Variants in VEGFC observed in about 807,000 individuals in gnomAD.
VEGFC encodes the protein FLT4 ligand DHM.
A neutral mutation model predicts 46.1 loss-of-function variants in VEGFC; 12 were observed. That is an observed-to-expected ratio of 0.26 (90% confidence interval 0.17 to 0.42). The LOEUF (loss-of-function observed/expected upper bound fraction) is 0.42. Ranked by LOEUF, VEGFC falls within the 10% of genes least tolerant of loss-of-function variation. The pLI is 1.00. For synonymous variants in VEGFC, 232 were observed against 195.5 expected, an observed-to-expected ratio of 1.19 and a Z score of -1.56; for missense variants, 488 against 529.4, an observed-to-expected ratio of 0.92 and a Z score of 0.77.
At chr4:176,722,488 G>GTTTT (rs138526102) in intron 3 of VEGFC, among the ~76,000 whole-genome samples, 4 of 134,962 alleles carry the variant, frequency 3.0e-5, no homozygotes, top group Non-Finnish European at 1.5e-5. Flanking sequence ...TTTTTCTTTT[G>GTTTT]TTTTTTTTTT....
chr4:176,791,428 A>G (rs1021776920), intron 1 of VEGFC, among the ~76,000 whole-genome samples: 8 of 152,230 alleles, frequency 5.3e-5, no homozygotes, highest in African/African-American at 1.9e-4. Context: ...CAACATTTTC[A>G]GGCAAAGGAT....
At chr4:176,694,968 G>A (rs1357030652) in intron 4 of VEGFC, among the ~76,000 whole-genome samples, 39 of 134,014 alleles carry the variant, frequency 2.9e-4, no homozygotes, top group African/African-American at 7.7e-4. Context: ...TCTCTGGGAC[G>A]CATTCAAAGC....
chr4:176,699,910 T>A (rs1734396200), intron 4 of VEGFC, among the ~76,000 whole-genome samples: 2 of 152,252 alleles, frequency 1.3e-5, no homozygotes, highest in Admixed American at 6.5e-5. Context: ...TTTTTATTGA[T>A]TCTGCATGAA....
intron 4 of VEGFC, among the ~76,000 whole-genome samples, chr4:176,689,908 G>C (rs1734118749): frequency 1.3e-5 from 2 of 152,110 alleles, no homozygotes; most frequent in South Asian, 4.1e-4. Flanking sequence ...TTTTCTACAG[G>C]CATTATTAGG....
At chr4:176,705,005 CAA>C (rs1189502990) in intron 4 of VEGFC, among the ~76,000 whole-genome samples, 7 of 152,128 alleles carry the variant, frequency 4.6e-5, no homozygotes, top group Non-Finnish European at 1.0e-4. Context: ...AGCAGAAACA[CAA>C]ATGCTATTTG....
At chr4:176,778,942 A>G (rs1365418621) in intron 1 of VEGFC, among the ~76,000 whole-genome samples, 2 of 152,184 alleles carry the variant, frequency 1.3e-5, no homozygotes, top group African/African-American at 4.8e-5. Flanking sequence ...ATGTTGCCAA[A>G]GACTGGCCAC....
chr4:176,690,755 G>C (rs1553991398), intron 4 of VEGFC, among the ~76,000 whole-genome samples: 1 of 151,744 alleles, frequency 6.6e-6, no homozygotes, highest in Non-Finnish European at 1.5e-5. Context: ...TTCTATAAAT[G>C]ATGGTAAAAA....
At chr4:176,752,364 T>C (rs545185943) in intron 1 of VEGFC, among the ~76,000 whole-genome samples, 2 of 152,190 alleles carry the variant, frequency 1.3e-5, no homozygotes, top group East Asian at 3.9e-4. Flanking sequence ...ATAGCTCATA[T>C]TGGCACTCCG....
intron 1 of VEGFC, among the ~76,000 whole-genome samples, chr4:176,789,334 G>A (rs998717465): frequency 1.6e-4 from 25 of 152,198 alleles, no homozygotes; most frequent in African/African-American, 6.0e-4. Flanking sequence ...GTAATTAACT[G>A]CTTTCTATGA....
intron 4 of VEGFC, among the ~76,000 whole-genome samples, chr4:176,710,466 T>G (rs529678364): frequency 6.6e-6 from 1 of 152,264 alleles, no homozygotes; most frequent in African/African-American, 2.4e-5. Flanking sequence ...TCTTCCAGGT[T>G]TTCCTAAACT....
intron 6 of VEGFC, among the ~76,000 whole-genome samples, chr4:176,685,773 C>A (rs1367705384): frequency 6.6e-6 from 1 of 151,936 alleles, no homozygotes; most frequent in Non-Finnish European, 1.5e-5. Flanking sequence ...GAATATAGTT[C>A]TTTCTCAAAA....
chr4:176,706,404 A>G (rs913556879), intron 4 of VEGFC, among the ~76,000 whole-genome samples: 1 of 152,006 alleles, frequency 6.6e-6, no homozygotes, highest in African/African-American at 2.4e-5. Context: ...CGAGGCGGGT[A>G]GATCACAAGG....
At chr4:176,763,350 A>G (rs974688002) in intron 1 of VEGFC, among the ~76,000 whole-genome samples, 1 of 88,572 alleles carries the variant, frequency 1.1e-5, no homozygotes, top group Non-Finnish European at 2.3e-5. Flanking sequence ...AAAATAAGAG[A>G]AAATGAAAAA....
intron 1 of VEGFC, among the ~76,000 whole-genome samples, chr4:176,790,437 G>A (rs1467593263): frequency 6.6e-6 from 1 of 151,988 alleles, no homozygotes; most frequent in Non-Finnish European, 1.5e-5. Context: ...ATCACCAATG[G>A]CAAATTTTAC....
chr4:176,695,536 A>G (rs988783709), intron 4 of VEGFC, among the ~76,000 whole-genome samples: 3 of 151,228 alleles, frequency 2.0e-5, no homozygotes, highest in Middle Eastern at 3.4e-3. Context: ...TCACAGCCCA[A>G]TTCTACCAGA....
intron 1 of VEGFC, among the ~76,000 whole-genome samples, chr4:176,763,211 T>C (rs1002387629): frequency 3.3e-5 from 5 of 152,332 alleles, no homozygotes; most frequent in Middle Eastern, 3.4e-3. Context: ...GAGAAATTCA[T>C]CTTCAACTAA....
Position 176,709,493 on chromosome 4 carries a change from C to G in VEGFC, c.704+2006G>C, listed in dbSNP as rs1032492997. Among the ~76,000 whole-genome samples the G allele has an allele frequency of 7.9e-5, 12 of 152,192 alleles. 1 individual carries two copies. Among genetic ancestry groups the G allele is most frequent in the Admixed American group, 7.2e-4 (11 of 15,262 alleles). On this transcript the variant is annotated intron_variant, in intron 4 of 6. Transcript: ENST00000618562. The stretch of plus-strand genomic sequence containing the variant: ...TGGGTATTCAAGAAGCAAAGTTGGC[C>G]GTGGTATTCGGACAAGACAAATGCA...
chr4:176,770,273 T>C (rs1021501366), intron 1 of VEGFC, among the ~76,000 whole-genome samples: 1 of 152,230 alleles, frequency 6.6e-6, no homozygotes, highest in Non-Finnish European at 1.5e-5. Context: ...TTAAAATTAA[T>C]AGGCCACATT....
chr4:176,711,371 T>C (rs955780450), intron 4 of VEGFC, 128 bp downstream of exon 4: 2 of 1,110,064 alleles, frequency 1.8e-6, no homozygotes, highest in Admixed American at 3.6e-5. Flanking sequence ...ATTTTGTCTT[T>C]GTTTTGTATT....
Sources: allele counts gnomAD v4.1 joint callset (sites outside exome capture counted in the v4.1 genomes callset), GRCh38; gene constraint gnomAD v4.1.1; transcripts MANE v1.5; gene names NCBI Gene and HGNC (gene_info 2026-07-23, HGNC 2026-07-21).